Variants in MED12L observed in about 807,000 individuals in gnomAD.
MED12L encodes the protein mediator of RNA polymerase II transcription subunit 12-like protein.
Under a neutral mutation model 281.3 loss-of-function variants are expected in MED12L, and 60 were observed. That is an observed-to-expected ratio of 0.21 (90% CI 0.17 to 0.26). The LOEUF (loss-of-function observed/expected upper bound fraction) is 0.26, where lower values mean the gene tolerates loss of function less well. Ranked by LOEUF, MED12L falls within the 10% of genes least tolerant of loss-of-function variation. The pLI, the probability that MED12L is intolerant of heterozygous loss-of-function variation, is 1.00. For synonymous variants in MED12L, 974 were observed against 987.2 expected, an observed-to-expected ratio of 0.99 and a Z score of 0.25; for missense variants, 2,146 against 2,680.9, an observed-to-expected ratio of 0.80 and a Z score of 4.41.
intron 30 of MED12L, among the ~76,000 whole-genome samples, chr3:151,377,447 G>A (rs917885641): frequency 2.0e-5 from 3 of 152,258 alleles, no homozygotes; most frequent in Non-Finnish European, 2.9e-5. Context: ...ACTGTGTTAC[G>A]TAGTATTCAT....
chr3:151,235,065 T>C (rs747014973), intron 16 of MED12L, among the ~76,000 whole-genome samples: 2 of 152,234 alleles, frequency 1.3e-5, no homozygotes, highest in Non-Finnish European at 2.9e-5. Flanking sequence ...AGCAGACACT[T>C]AGTGCCTTTG....
chr3:151,361,547 C>G (rs878989798), intron 21 of MED12L, among the ~76,000 whole-genome samples: 7 of 152,214 alleles, frequency 4.6e-5, no homozygotes, highest in African/African-American at 7.2e-5. Context: ...TGATTCCTGT[C>G]AATACATCTT....
At chr3:151,214,480 C>A in intron 16 of MED12L, 1 of 568,288 alleles carries the variant, frequency 1.8e-6, no homozygotes. Context: ...GTAAGTTAGA[C>A]ACTCATCCCT....
intron 9 of MED12L, among the ~76,000 whole-genome samples, chr3:151,164,610 CAAT>C (rs1001348485): frequency 2.6e-5 from 4 of 152,160 alleles, no homozygotes; most frequent in Non-Finnish European, 5.9e-5. Context: ...AAATGTCCAA[CAAT>C]GATTGACTGG....
At chr3:151,287,805 A>G (rs1471522905) in intron 16 of MED12L, among the ~76,000 whole-genome samples, 1 of 152,218 alleles carries the variant, frequency 6.6e-6, no homozygotes, top group Non-Finnish European at 1.5e-5. Context: ...AGGGATTTCT[A>G]TGGGAAGTAT....
At chr3:151,352,890 G>C (rs1753412996) in intron 17 of MED12L, among the ~76,000 whole-genome samples, 1 of 152,130 alleles carries the variant, frequency 6.6e-6, no homozygotes, top group Non-Finnish European at 1.5e-5. Context: ...AGCAACAAAA[G>C]AGCAATAATA....
intron 16 of MED12L, among the ~76,000 whole-genome samples, chr3:151,321,721 G>A (rs1449439327): frequency 2.6e-5 from 4 of 152,144 alleles, no homozygotes; most frequent in African/African-American, 9.7e-5. Flanking sequence ...TGCTGAGTAA[G>A]TTATGTAATT....
chr3:151,273,605 T>C (rs1301472552), intron 16 of MED12L, among the ~76,000 whole-genome samples: 1 of 152,114 alleles, frequency 6.6e-6, no homozygotes, highest in South Asian at 2.1e-4. Context: ...TTAATCCCCA[T>C]AACTCAGTAA....
At chr3:151,293,321 C>T (rs1194863075) in intron 16 of MED12L, among the ~76,000 whole-genome samples, 3 of 152,250 alleles carry the variant, frequency 2.0e-5, no homozygotes, top group South Asian at 2.1e-4. Context: ...TTAACCATAA[C>T]GTCTTCTTTT....
intron 11 of MED12L, among the ~76,000 whole-genome samples, chr3:151,182,522 C>T (rs1722825892): frequency 6.6e-6 from 1 of 152,102 alleles, no homozygotes; most frequent in African/African-American, 2.4e-5. Context: ...CTGAATCCTC[C>T]AGATTTTAGG....
chr3:151,252,944 A>G (rs1161479966), intron 16 of MED12L, among the ~76,000 whole-genome samples: 1 of 152,212 alleles, frequency 6.6e-6, no homozygotes, highest in Non-Finnish European at 1.5e-5. Flanking sequence ...TTAAAATGAC[A>G]TAGGGAATGT....
At chr3:151,304,067 G>A (rs997531274) in intron 16 of MED12L, among the ~76,000 whole-genome samples, 4 of 152,152 alleles carry the variant, frequency 2.6e-5, no homozygotes, top group African/African-American at 7.2e-5. Context: ...AGTGCTCCAC[G>A]TGCTGGGGGG....
chr3:151,173,752 G>T (rs1274281449), intron 11 of MED12L, among the ~76,000 whole-genome samples: 1 of 152,136 alleles, frequency 6.6e-6, no homozygotes, highest in Non-Finnish European at 1.5e-5. Flanking sequence ...CTGTACAATG[G>T]CCTTACTAAT....
rs144148517 is a variant in MED12L at position 151,428,999 on chromosome 3, T to C, written c.6409-1300T>C. 1.4e-3 allele frequency among the ~76,000 whole-genome samples: 209 copies of C among 152,316 alleles called. 6 individuals are homozygous for C. In the East Asian group the frequency reaches 0.035, roughly 25 times the overall value. On this transcript the variant is annotated intron_variant, in intron 43 of 44. Transcript: ENST00000687756. ...CAAGCTCTGAGGAGGAAATAGATGT[T>C]GCACTGGCGTTGGGTAATTGAAGAG... is the stretch of plus-strand genomic sequence containing the variant.
At chr3:151,228,784 C>G (rs749609976) in intron 16 of MED12L, among the ~76,000 whole-genome samples, 1 of 152,142 alleles carries the variant, frequency 6.6e-6, no homozygotes, top group Non-Finnish European at 1.5e-5. Context: ...GGAACCAATT[C>G]TTTTTTCTCC....
At chr3:151,313,832 G>A (rs1043333473) in intron 16 of MED12L, among the ~76,000 whole-genome samples, 1 of 151,984 alleles carries the variant, frequency 6.6e-6, no homozygotes, top group Non-Finnish European at 1.5e-5. Flanking sequence ...GCTGAGGCAG[G>A]AGAATCGCTT....
intron 16 of MED12L, among the ~76,000 whole-genome samples, chr3:151,268,122 C>T (rs151287782): frequency 2.0e-5 from 3 of 152,070 alleles, no homozygotes; most frequent in Admixed American, 2.0e-4. Flanking sequence ...TTTATGTTTT[C>T]AGCTTACATG....
chr3:151,244,190 C>T (rs1734844330), intron 16 of MED12L, among the ~76,000 whole-genome samples: 1 of 136,566 alleles, frequency 7.3e-6, no homozygotes, highest in African/African-American at 2.6e-5. Flanking sequence ...ATCCCACTGT[C>T]AACATTAGAC....
chr3:151,357,154 A>G (rs923082667), intron 19 of MED12L, 59 bp from the exon 20 acceptor site: 9 of 1,380,816 alleles, frequency 6.5e-6, no homozygotes, highest in Non-Finnish European at 8.9e-6. Flanking sequence ...ATAAAAATAA[A>G]TGTTTTCTCT....
Sources: allele counts gnomAD v4.1 joint callset (sites outside exome capture counted in the v4.1 genomes callset), GRCh38; gene constraint gnomAD v4.1.1; transcripts MANE v1.5; gene names NCBI Gene and HGNC (gene_info 2026-07-23, HGNC 2026-07-21).